Variants in CAST observed in about 807,000 individuals in gnomAD.
The protein encoded by CAST is MIR583 host.
Under a neutral mutation model 119.6 loss-of-function variants are expected in CAST, and 76 were observed. The ratio of observed to expected loss-of-function variants is 0.64; its 90% confidence interval spans 0.53 to 0.77. CAST has a LOEUF of 0.77. CAST is among the 30% of genes least tolerant of loss of function. CAST has a pLI of 0.00. For missense variants in CAST, 953 were observed against 946.5 expected (o/e 1.01, Z -0.09); for synonymous variants, 319 against 331.6 (o/e 0.96, Z 0.41).
chr5:96,020,600 G>A, the CAST span, among the ~76,000 whole-genome samples: 1 of 152,186 alleles, frequency 6.6e-6, no homozygotes, highest in Admixed American at 6.5e-5. Context: ...CTGCAATCTA[G>A]GTTGCATGCT....
chr5:96,289,220 T>C, the CAST span, among the ~76,000 whole-genome samples: 1 of 152,212 alleles, frequency 6.6e-6, no homozygotes, highest in Non-Finnish European at 1.5e-5. Context: ...TGTAAATATT[T>C]TCCTCAAAGT....
At chr5:96,194,487 G>T in the CAST span, among the ~76,000 whole-genome samples, 1 of 152,108 alleles carries the variant, frequency 6.6e-6, no homozygotes, top group Non-Finnish European at 1.5e-5. Context: ...TATCAGCGAA[G>T]GAAACACAGC....
the CAST span, among the ~76,000 whole-genome samples, chr5:96,035,051 ATATATATATATATTTAAG>A: frequency 5.3e-5 from 5 of 94,460 alleles, no homozygotes; most frequent in African/African-American, 1.6e-4. Context: ...GTATATATAT[ATATATATATATATTTAAG>A]TATATATATA....
At chr5:96,213,457 A>T in the CAST span, 1 of 152,156 alleles carries the variant, frequency 6.6e-6, no homozygotes, top group Non-Finnish European at 1.5e-5. Flanking sequence ...CACAGTGTAT[A>T]AAATCTTAAA....
chr5:96,145,280 T>C, the CAST span, among the ~76,000 whole-genome samples: 1 of 152,222 alleles, frequency 6.6e-6, no homozygotes, highest in Non-Finnish European at 1.5e-5. Context: ...TGATCTTGTT[T>C]GGTTACTACA....
the CAST span, among the ~76,000 whole-genome samples, chr5:96,456,206 C>T: frequency 2.0e-4 from 30 of 152,264 alleles, no homozygotes; most frequent in Non-Finnish European, 2.9e-4. Context: ...TAGGACCAGA[C>T]GTTGATTTCT....
chr5:95,979,407 A>G, the CAST span, among the ~76,000 whole-genome samples: 1 of 152,248 alleles, frequency 6.6e-6, no homozygotes. Context: ...ACATATGCTA[A>G]GTAACATTAT....
At chr5:96,234,440 C>T in the CAST span, among the ~76,000 whole-genome samples, 3 of 152,136 alleles carry the variant, frequency 2.0e-5, no homozygotes, top group Admixed American at 1.3e-4. Context: ...TTGCAGGCAG[C>T]GACATATACA....
chr5:95,986,411 TTAGC>T, the CAST span: 3 of 152,216 alleles, frequency 2.0e-5, no homozygotes, highest in Admixed American at 6.5e-5. Flanking sequence ...AAAGAAATAC[TTAGC>T]TAGTCTGAGT....
chr5:96,227,777 T>G, the CAST span, among the ~76,000 whole-genome samples: 1 of 152,176 alleles, frequency 6.6e-6, no homozygotes, highest in Non-Finnish European at 1.5e-5. Context: ...AATTTCTAGA[T>G]AAAGCCTTGA....
chr5:96,696,151 A>C (rs571194537), intron 3 of CAST: 1 of 248,022 alleles, frequency 4.0e-6, no homozygotes, highest in African/African-American at 2.2e-5. Flanking sequence ...ATAAATATTA[A>C]TTATTATGAT....
At chr5:96,100,679 T>G in the CAST span, among the ~76,000 whole-genome samples, 3 of 152,174 alleles carry the variant, frequency 2.0e-5, no homozygotes, top group East Asian at 5.8e-4. Context: ...AGTTTCTTCA[T>G]CTGTAAGGCA....
At chr5:95,987,050 G>T in the CAST span, among the ~76,000 whole-genome samples, 5 of 152,098 alleles carry the variant, frequency 3.3e-5, no homozygotes, top group African/African-American at 1.2e-4. Flanking sequence ...TAGCCTGTCT[G>T]CCCTTGGGCT....
At chr5:96,491,572 T>G in the CAST span, among the ~76,000 whole-genome samples, 1 of 146,086 alleles carries the variant, frequency 6.8e-6, no homozygotes, top group Non-Finnish European at 1.5e-5. Context: ...ATGTACCGCA[T>G]GTGGCAATGT....
chr5:96,398,745 A>G, the CAST span: 1 of 782,164 alleles, frequency 1.3e-6, no homozygotes. Flanking sequence ...AAAAGGAAAA[A>G]ATAAGCATGT....
chr5:96,647,403 T>G (rs1473486423), intron 1 of CAST, among the ~76,000 whole-genome samples: 1 of 152,198 alleles, frequency 6.6e-6, no homozygotes, highest in African/African-American at 2.4e-5. Context: ...TTAGATTTAA[T>G]AGGATTTTTA....
Position 96,773,609 on chromosome 5 carries a change from ATATATT to A in CAST, c.*994_*999del, listed in dbSNP as rs1210706258. The A allele has an allele frequency of 6.6e-6, 1 of 151,938 alleles. No homozygotes were observed. The highest frequency in any genetic ancestry group is 2.4e-5 in the African/African-American group (1 of 41,416). The allele number at this position is 151,938 out of a possible 1,614,324, so 9.4% of individuals were successfully genotyped here. A position where few individuals can be genotyped will look rare whatever the true frequency, so the allele number is the denominator to read the frequency against. ...TTCTGCTTTTAAAAAAATTATATAT[ATATATT>A]AAATTTGAAACCTGCATTTCTCCCA... On this transcript the variant is annotated 3_prime_UTR_variant, in exon 32 of 32. Coordinates refer to ENST00000675179, the MANE Select transcript of CAST (RefSeq NM_001750.7).
chr5:96,064,085 C>T, the CAST span, among the ~76,000 whole-genome samples: 1 of 152,072 alleles, frequency 6.6e-6, no homozygotes, highest in Non-Finnish European at 1.5e-5. Flanking sequence ...ACTTGGTTAC[C>T]TGTTAAAGAT....
rs1469479872 is a variant in CAST at position 96,773,593 on chromosome 5, T to A, written c.*977T>A. 1 of 151,430 alleles carries A rather than the reference T, an allele frequency of 6.6e-6. No homozygotes were observed. The highest frequency in any genetic ancestry group is 1.5e-5 in the Non-Finnish European group (1 of 67,762). The allele number at this position is 151,430 out of a possible 1,614,324, so 9.4% of individuals were successfully genotyped here. On this transcript the variant is annotated 3_prime_UTR_variant, in exon 32 of 32. Transcript: ENST00000675179. ...AAATATAAAAAGAAACTTCTGCTTT[T>A]AAAAAAATTATATATATATATTAAA...
Sources: gnomAD v4.1 joint callset for allele counts (sites outside exome capture counted in the v4.1 genomes callset) on GRCh38, gnomAD v4.1.1 for gene constraint, MANE v1.5 for transcripts, NCBI Gene and HGNC (gene_info 2026-07-23, HGNC 2026-07-21) for gene names.